The following LARGE1 variants were observed in gnomAD, a reference collection of about 807,000 sequenced individuals.
The protein encoded by LARGE1 is LARGE xylosyl- and glucuronyltransferase 1.
A neutral mutation model predicts 87.6 loss-of-function variants in LARGE1; 43 were observed. The observed-to-expected ratio is 0.49, with a 90% CI of 0.38 to 0.63. The LOEUF is 0.63. Ranked by LOEUF, LARGE1 falls within the 30% of genes least tolerant of loss-of-function variation. The pLI, the probability that LARGE1 is intolerant of heterozygous loss-of-function variation, is 0.00. For missense variants in LARGE1, 802 were observed against 1,000.2 expected, an observed-to-expected ratio of 0.80 and a Z score of 2.67; for synonymous variants, 434 against 394.6, an observed-to-expected ratio of 1.10 and a Z score of -1.18.
At chr22:33,264,862 C>T (rs1189527013) in intron 11 of LARGE1, among the ~76,000 whole-genome samples, 1 of 145,390 alleles carries the variant, frequency 6.9e-6, no homozygotes, top group East Asian at 2.0e-4. Flanking sequence ...TAGAGGAAAT[C>T]TCTCCCCTTT....
At chr22:33,832,852 T>C (rs1438756928) in intron 1 of LARGE1, among the ~76,000 whole-genome samples, 2 of 152,226 alleles carry the variant, frequency 1.3e-5, no homozygotes, top group Non-Finnish European at 2.9e-5. Context: ...CAGTATACAG[T>C]AAGCACTCAA....
At chr22:33,825,582 A>C (rs1330577881) in intron 1 of LARGE1, among the ~76,000 whole-genome samples, 4 of 152,134 alleles carry the variant, frequency 2.6e-5, no homozygotes, top group Non-Finnish European at 5.9e-5. Flanking sequence ...AAACTATCAG[A>C]TCTCGTGAGA....
intron 9 of LARGE1, among the ~76,000 whole-genome samples, chr22:33,341,092 C>T (rs546387419): frequency 5.1e-4 from 78 of 152,158 alleles, no homozygotes; most frequent in African/African-American, 1.7e-3. Context: ...AAAGCCTAAT[C>T]GCCAAGGTGA....
chr22:33,623,488 A>T (rs1281666955), intron 4 of LARGE1, among the ~76,000 whole-genome samples: 2 of 152,130 alleles, frequency 1.3e-5, no homozygotes, highest in Middle Eastern at 3.2e-3. Context: ...GTGAACTGTT[A>T]TCTATTTGTT....
intron 6 of LARGE1, among the ~76,000 whole-genome samples, chr22:33,488,010 G>T (rs2148262147): frequency 6.6e-6 from 1 of 152,304 alleles, no homozygotes; most frequent in African/African-American, 2.4e-5. Context: ...CAGAGTAAAA[G>T]TACTGGGGAG....
intron 11 of LARGE1, among the ~76,000 whole-genome samples, chr22:33,196,005 G>A (rs751178636): frequency 3.8e-4 from 58 of 151,118 alleles, no homozygotes; most frequent in Non-Finnish European, 6.5e-4. Context: ...TGGTCCGCCC[G>A]TCTCAGCCTC....
At chr22:33,549,559 C>A (rs552281267) in intron 6 of LARGE1, among the ~76,000 whole-genome samples, 1 of 152,272 alleles carries the variant, frequency 6.6e-6, no homozygotes, top group East Asian at 1.9e-4. Context: ...ATTTATTTAT[C>A]TTCTGAAAGA....
At chr22:33,679,760 T>G (rs1229010344) in intron 2 of LARGE1, among the ~76,000 whole-genome samples, 1 of 152,138 alleles carries the variant, frequency 6.6e-6, no homozygotes, top group Non-Finnish European at 1.5e-5. Context: ...GAGAATTGCT[T>G]GAACCCGGGA....
chr22:33,287,136 G>A (rs1408512852), intron 12 of LARGE1, among the ~76,000 whole-genome samples: 1 of 152,228 alleles, frequency 6.6e-6, no homozygotes, highest in Non-Finnish European at 1.5e-5. Context: ...GCTGTCTTAT[G>A]TGTTGGTTTT....
chr22:33,343,358 G>A (rs945764283), intron 9 of LARGE1, among the ~76,000 whole-genome samples: 1 of 152,112 alleles, frequency 6.6e-6, no homozygotes, highest in African/African-American at 2.4e-5. Flanking sequence ...AAACTGAAGT[G>A]AGCCTCCTGC....
chr22:33,116,687 T>G, the LARGE1 span, among the ~76,000 whole-genome samples: 1 of 152,168 alleles, frequency 6.6e-6, no homozygotes, highest in African/African-American at 2.4e-5. Context: ...AATGATTATT[T>G]CTGGGCCAAT....
intron 11 of LARGE1, among the ~76,000 whole-genome samples, chr22:33,172,574 G>T (rs2213457): frequency 0.081 from 12,260 of 151,910 alleles, 625 homozygotes; most frequent in Middle Eastern, 0.19. Context: ...ATTTTTTCTG[G>T]ATATTGTCTA....
chr22:33,913,551 C>T lies in LARGE1; in HGVS notation c.-83+6444G>A, dbSNP rs576885191. On this transcript the variant is annotated intron_variant, in intron 1 of 14. Transcript: ENST00000397394. ...AAGTCTTTGGTGTTTTTTTTGTTTG[C>T]TTTTTGTTTTTGAGAAGGAGTCTTG... 3.3e-5 allele frequency among the ~76,000 whole-genome samples: 5 copies of T among 151,926 alleles called. No individual in the cohort carries two copies. The East Asian group carries it at 9.7e-4, about 29-fold the overall frequency.
intron 1 of LARGE1, among the ~76,000 whole-genome samples, chr22:33,793,888 C>G (rs1031509364): frequency 6.6e-6 from 1 of 151,786 alleles, no homozygotes; most frequent in Non-Finnish European, 1.5e-5. Context: ...GCAAATGGAT[C>G]TAAAAATAAA....
chr22:33,118,933 G>A, the LARGE1 span, among the ~76,000 whole-genome samples: 19 of 152,310 alleles, frequency 1.2e-4, no homozygotes, highest in Admixed American at 3.9e-4. Context: ...TTTGAATCTC[G>A]TCTAAGTTGA....
chr22:33,196,634 T>A (rs2146202550), intron 11 of LARGE1, among the ~76,000 whole-genome samples: 1 of 152,182 alleles, frequency 6.6e-6, no homozygotes, highest in Non-Finnish European at 1.5e-5. Flanking sequence ...AACAGTTACT[T>A]CATTCAACTT....
At chr22:33,183,478 T>C (rs1923282222) in intron 11 of LARGE1, among the ~76,000 whole-genome samples, 1 of 152,062 alleles carries the variant, frequency 6.6e-6, no homozygotes, top group Admixed American at 6.6e-5. Context: ...CACTTCTGGG[T>C]ACATATTCCA....
chr22:33,170,796 C>G (rs569495455), intron 11 of LARGE1, among the ~76,000 whole-genome samples: 12 of 152,256 alleles, frequency 7.9e-5, no homozygotes, highest in Middle Eastern at 3.4e-3. Flanking sequence ...TTGGTACCAT[C>G]AGTGGTACTG....
the LARGE1 span, among the ~76,000 whole-genome samples, chr22:33,123,395 A>G: frequency 6.6e-6 from 1 of 152,090 alleles, no homozygotes; most frequent in Non-Finnish European, 1.5e-5. Context: ...TTAAATCATC[A>G]GATTTGAATT....
Sources: allele counts gnomAD v4.1 joint callset (sites outside exome capture counted in the v4.1 genomes callset), GRCh38; gene constraint gnomAD v4.1.1; transcripts MANE v1.5; gene names NCBI Gene and HGNC (gene_info 2026-07-23, HGNC 2026-07-21).